The following USP42 variants were observed in gnomAD, a reference collection of about 807,000 sequenced individuals.
USP42 encodes the protein ubiquitin carboxyl-terminal hydrolase 42.
In USP42, 23 loss-of-function variants were observed where a neutral mutation model predicts 113.0. That is an observed-to-expected ratio of 0.20 (90% CI 0.15 to 0.29). The LOEUF (loss-of-function observed/expected upper bound fraction) is 0.29. Among genes scored for constraint, USP42 ranks in the 10% least tolerant of loss-of-function variants. The pLI is 1.00. For synonymous variants in USP42, 933 were observed against 699.0 expected, an observed-to-expected ratio of 1.33 and a Z score of -5.28; for missense variants, 2,174 against 1,779.8, an observed-to-expected ratio of 1.22 and a Z score of -3.99.
intron 9 of USP42, among the ~76,000 whole-genome samples, chr7:6,144,869 C>CAAA (rs112958397): frequency 7.1e-6 from 1 of 141,126 alleles, no homozygotes; most frequent in East Asian, 2.0e-4. Flanking sequence ...GATTCTGTCT[C>CAAA]AAAAAAAAAA....
chr7:6,084,720 CTTT>C, the USP42 span: 5 of 139,862 alleles, frequency 3.6e-5, no homozygotes, highest in Admixed American at 7.2e-5. Context: ...CGCAAGGACT[CTTT>C]TTTTTTTTTT....
intron 14 of USP42, among the ~76,000 whole-genome samples, chr7:6,151,336 CTTT>C (rs1782037926): frequency 6.6e-6 from 1 of 152,210 alleles, no homozygotes; most frequent in South Asian, 2.1e-4. Context: ...CTTACTGTAA[CTTT>C]TTTACTTTAT....
At chr7:6,153,418 A>G (rs958263528) in intron 14 of USP42, among the ~76,000 whole-genome samples, 1 of 152,304 alleles carries the variant, frequency 6.6e-6, no homozygotes, top group East Asian at 1.9e-4. Context: ...TTGATGATAT[A>G]ACATTTTATT....
At chr7:6,090,372 CTTTATATATATTATATAGGTTTATA>C in the USP42 span, among the ~76,000 whole-genome samples, 2,332 of 135,712 alleles carry the variant, frequency 0.017, 127 homozygotes, top group African/African-American at 0.063. Context: ...ATATATATTT[CTTTATATATATTATATAGGTTTATA>C]TTTATATATA....
chr7:6,129,559 GAAAAAA>G (rs34404773), intron 3 of USP42, among the ~76,000 whole-genome samples: 2 of 103,334 alleles, frequency 1.9e-5, no homozygotes, highest in African/African-American at 3.7e-5. Flanking sequence ...TCTGCCTCAG[GAAAAAA>G]AAAAAAAAAA....
chr7:6,156,829 AAAG>A lies in USP42; in HGVS notation c.3722_3724del (p.Lys1241del), dbSNP rs758854151. On this transcript the variant is annotated inframe_deletion, in exon 16 of 18. Coordinates refer to ENST00000306177, the MANE Select transcript of USP42 (RefSeq NM_032172.3). Reference sequence around the variant, plus strand: ...ACAGACACAAAAAAAAGAAGAAGAAAAAGAAGAGACATTCAAGAAAATCAGAGG... The same window carrying A: ...ACAGACACAAAAAAAAGAAGAAGAAAAAGAGACATTCAAGAAAATCAGAGG... 11 of 1,608,928 alleles carry A rather than the reference AAAG, an allele frequency of 6.8e-6. No homozygotes were observed. In the East Asian group the frequency reaches 8.9e-5, roughly 13 times the overall value.
the USP42 span, among the ~76,000 whole-genome samples, chr7:6,098,479 G>A: frequency 0.038 from 5,631 of 150,124 alleles, 418 homozygotes; most frequent in Non-Finnish European, 0.058. Flanking sequence ...CAGGCGTGAT[G>A]GTATCTGATC....
intron 1 of USP42, among the ~76,000 whole-genome samples, chr7:6,109,022 A>G (rs1779446210): frequency 6.6e-6 from 1 of 152,242 alleles, no homozygotes; most frequent in African/African-American, 2.4e-5. Context: ...GCTGTGGAGT[A>G]GATGCCAGCA....
intron 3 of USP42, among the ~76,000 whole-genome samples, chr7:6,124,431 A>C (rs1216204267): frequency 3.3e-5 from 5 of 151,058 alleles, no homozygotes; most frequent in Non-Finnish European, 5.9e-5. Context: ...ACACCCGGCT[A>C]ATTTTTGTAT....
At chr7:6,156,127 A>T (rs920703836) in intron 15 of USP42, among the ~76,000 whole-genome samples, 2 of 152,232 alleles carry the variant, frequency 1.3e-5, no homozygotes, top group Non-Finnish European at 2.9e-5. Context: ...CAGGAGCAGA[A>T]TTAGTAATTT....
chr7:6,146,049 G>C, intron 10 of USP42, 99 bp from the exon 11 acceptor site: 4 of 943,638 alleles, frequency 4.2e-6, no homozygotes, highest in Non-Finnish European at 4.8e-6. Context: ...GTGACAGAGT[G>C]AGACTCCATC....
upstream of USP42, among the ~76,000 whole-genome samples, chr7:6,103,205 G>T (rs1790184237): frequency 6.6e-6 from 1 of 150,936 alleles, no homozygotes; most frequent in Admixed American, 6.6e-5. Context: ...GCACTCTGGA[G>T]CAAGAACTGG....
At chr7:6,108,010 C>T (rs1779386012) in intron 1 of USP42, among the ~76,000 whole-genome samples, 2 of 152,038 alleles carry the variant, frequency 1.3e-5, no homozygotes, top group South Asian at 2.1e-4. Context: ...CATAGTGAAA[C>T]CCGGCTCCAC....
chr7:6,110,045 G>C (rs749490494), intron 1 of USP42, among the ~76,000 whole-genome samples: 1 of 151,522 alleles, frequency 6.6e-6, no homozygotes, highest in Non-Finnish European at 1.5e-5. Flanking sequence ...TGTTGGCCAG[G>C]CTGGTCTCAA....
In USP42 at chr7:6,154,536, C is replaced by A; in HGVS notation, c.2982C>A (p.His994Gln). 6.5e-7 allele frequency: 1 copy of A among 1,543,570 alleles called. No individual in the cohort carries two copies. The highest frequency in any genetic ancestry group is 8.7e-7 in the Non-Finnish European group (1 of 1,145,308). The stretch of plus-strand genomic sequence containing the variant: ...GGGAGCGCGACCGCCAGGACCGCCA[C>A]GCCCCGGAGCACCACCCCGGCCACG... The part of the protein sequence containing the change: ...CPRERDRQDR[H>Q]APEHHPGHGD... The change falls in exon 15 of 18, where the codon CAC becomes CAA. Residue 994 changes from histidine (H) to glutamine (Q), a missense_variant. Transcript: ENST00000306177.
chr7:6,141,029 CATTTT>C (rs1396876336), intron 7 of USP42, 45 bp downstream of exon 7: 1 of 1,007,692 alleles, frequency 9.9e-7, no homozygotes, highest in African/African-American at 1.7e-5. Context: ...TAAAATAAGT[CATTTT>C]ATGTAACTGT....
chr7:6,128,479 T>C (rs1303131702), intron 3 of USP42, among the ~76,000 whole-genome samples: 7 of 152,160 alleles, frequency 4.6e-5, no homozygotes, highest in Admixed American at 3.3e-4. Context: ...ATATCTTTTT[T>C]ATCCTTTTAC....
At chr7:6,085,061 G>A in the USP42 span, 3 of 150,742 alleles carry the variant, frequency 2.0e-5, 1 homozygote, top group African/African-American at 7.5e-5. Context: ...TTTTCTCCCT[G>A]GCATGAACGA....
In USP42 at chr7:6,111,138, C is replaced by T. The variant is rs1270146362; in HGVS notation, c.5C>T (p.Thr2Ile). Residue 2 changes from threonine to isoleucine, a missense_variant, in exon 2 of 18, where the codon ACC (threonine) becomes ATC (isoleucine). Coordinates refer to ENST00000306177, the MANE Select transcript of USP42 (RefSeq NM_032172.3). ...CATCTTTTGCAGAGTTGAACAATGACCATAGTTGACAAAGCTTCTGAATCT... is the reference window on the plus strand; with the variant it reads ...CATCTTTTGCAGAGTTGAACAATGATCATAGTTGACAAAGCTTCTGAATCT... M[T>I]IVDKASESSD... The T allele has an allele frequency of 6.2e-7, 1 of 1,611,642 alleles. No homozygotes were observed. The highest frequency in any genetic ancestry group is 8.5e-7 in the Non-Finnish European group (1 of 1,178,318).
Sources: gnomAD v4.1 joint callset for allele counts (sites outside exome capture counted in the v4.1 genomes callset) on GRCh38, gnomAD v4.1.1 for gene constraint, MANE v1.5 for transcripts, NCBI Gene and HGNC (gene_info 2026-07-23, HGNC 2026-07-21) for gene names.